The following PREX2 variants were observed in gnomAD, a reference collection of about 807,000 sequenced individuals.
PREX2 encodes the protein phosphatidylinositol 3,4,5-trisphosphate-dependent Rac exchanger 2 protein.
PREX2 carries 107 observed loss-of-function variants against 203.2 expected under a neutral mutation model. The ratio of observed to expected loss-of-function variants is 0.53; its 90% confidence interval spans 0.45 to 0.62. The LOEUF (loss-of-function observed/expected upper bound fraction) is 0.62, where lower values mean the gene tolerates loss of function less well. Ranked by LOEUF, PREX2 falls within the 20% of genes least tolerant of loss-of-function variation. The probability of loss-of-function intolerance (pLI) is 0.00; values close to 1 mark genes in which losing one functional copy is unlikely to be tolerated. For missense variants in PREX2, 1,777 were observed against 1,955.9 expected (o/e 0.91, Z 1.72); for synonymous variants, 672 against 663.6 (o/e 1.01, Z -0.19).
intron 37 of PREX2, among the ~76,000 whole-genome samples, chr8:68,204,671 CTTCT>C (rs1227216701): frequency 5.2e-5 from 7 of 134,928 alleles, no homozygotes; most frequent in South Asian, 2.5e-4. Context: ...TTTTTTCTTT[CTTCT>C]TTCTTTTTTT....
intron 35 of PREX2, among the ~76,000 whole-genome samples, chr8:68,191,209 T>C (rs372996676): frequency 6.6e-6 from 1 of 152,212 alleles, no homozygotes; most frequent in Non-Finnish European, 1.5e-5. Context: ...AACTTGGTGC[T>C]GGAAAGAATC....
chr8:68,104,656 A>G (rs1194859279), intron 23 of PREX2, among the ~76,000 whole-genome samples: 1 of 152,116 alleles, frequency 6.6e-6, no homozygotes, highest in Non-Finnish European at 1.5e-5. Context: ...ACCATCTATC[A>G]ACATTACATA....
chr8:68,163,532 T>C (rs1043971473), intron 35 of PREX2, among the ~76,000 whole-genome samples: 3 of 152,230 alleles, frequency 2.0e-5, no homozygotes, highest in African/African-American at 7.2e-5. Context: ...ATTTAGTGTC[T>C]GTTTTCCAAA....
At chr8:68,103,096 G>C (rs1213405995) in intron 23 of PREX2, 1 of 414,272 alleles carries the variant, frequency 2.4e-6, no homozygotes, top group Non-Finnish European at 4.8e-6. Context: ...ATATATTCAA[G>C]AGATAGTTCC....
intron 35 of PREX2, among the ~76,000 whole-genome samples, chr8:68,178,346 G>A (rs1036697668): frequency 1.3e-5 from 2 of 151,952 alleles, no homozygotes; most frequent in African/African-American, 4.8e-5. Flanking sequence ...TCTCATTGTG[G>A]TTTTGATTTG....
At chr8:68,034,222 A>C (rs960670788) in intron 6 of PREX2, among the ~76,000 whole-genome samples, 3 of 152,124 alleles carry the variant, frequency 2.0e-5, no homozygotes, top group Admixed American at 6.5e-5. Context: ...CGGTCATATA[A>C]GTTATGCAAC....
chr8:67,995,312 A>T (rs771695177), intron 1 of PREX2, among the ~76,000 whole-genome samples: 10 of 152,218 alleles, frequency 6.6e-5, no homozygotes, highest in Admixed American at 1.3e-4. Flanking sequence ...ACAACATATG[A>T]TATCAATCCC....
intron 30 of PREX2, among the ~76,000 whole-genome samples, chr8:68,124,509 G>T (rs1810848816): frequency 6.6e-6 from 1 of 151,992 alleles, no homozygotes; most frequent in Non-Finnish European, 1.5e-5. Context: ...GTAGGAGGAG[G>T]GAGAGGATCA....
intron 1 of PREX2, among the ~76,000 whole-genome samples, chr8:67,970,074 A>T (rs1002645856): frequency 6.6e-6 from 1 of 152,204 alleles, no homozygotes; most frequent in African/African-American, 2.4e-5. Flanking sequence ...TTCCGTAAGT[A>T]TGGGAAATAG....
At chr8:68,016,064 G>A (rs763250278) in intron 1 of PREX2, among the ~76,000 whole-genome samples, 3 of 152,130 alleles carry the variant, frequency 2.0e-5, no homozygotes, top group Non-Finnish European at 2.9e-5. Context: ...TGCTAGGAGC[G>A]AGATCTTGTG....
intron 1 of PREX2, among the ~76,000 whole-genome samples, chr8:68,009,750 A>G (rs1176667463): frequency 3.3e-5 from 5 of 152,226 alleles, no homozygotes; most frequent in Admixed American, 3.3e-4. Flanking sequence ...ATACATAAAT[A>G]CATTTTAATT....
chr8:68,056,113 G>T lies in PREX2; in HGVS notation c.1238+139G>T, dbSNP rs1234295687. On this transcript the variant is annotated intron_variant, in intron 10 of 39. Transcript: ENST00000288368. ...CTTCTTTACAGTTGCCATTTCCTGG[G>T]CGGTAGCAGGATGAAGGAATGGACA... The T allele has an allele frequency of 7.7e-6, 6 of 775,676 alleles. No homozygotes were observed. In the South Asian group the frequency reaches 1.1e-4, roughly 14 times the overall value. 48.0% of individuals were successfully genotyped at this position (775,676 alleles called of 1,614,324 possible).
At chr8:67,966,479 A>G (rs1457162425) in intron 1 of PREX2, among the ~76,000 whole-genome samples, 9 of 152,058 alleles carry the variant, frequency 5.9e-5, no homozygotes, top group Non-Finnish European at 1.0e-4. Flanking sequence ...TAAAAGAGAA[A>G]AAAGGAATTA....
intron 35 of PREX2, among the ~76,000 whole-genome samples, chr8:68,167,448 C>T (rs1351101057): frequency 6.6e-6 from 1 of 151,740 alleles, no homozygotes; most frequent in African/African-American, 2.4e-5. Flanking sequence ...ATTCTCCTGT[C>T]CCAGCCTCCC....
intron 38 of PREX2, chr8:68,220,148 A>G (rs1375632548): frequency 6.6e-6 from 1 of 152,020 alleles, no homozygotes; most frequent in Non-Finnish European, 1.5e-5. Context: ...GTTCTTATTT[A>G]TAATTTCAAT....
At chr8:68,041,838 C>T (rs1441172967) in intron 7 of PREX2, among the ~76,000 whole-genome samples, 1 of 151,990 alleles carries the variant, frequency 6.6e-6, no homozygotes, top group Non-Finnish European at 1.5e-5. Flanking sequence ...CATCAAGACC[C>T]AAATCTTTTG....
intron 37 of PREX2, among the ~76,000 whole-genome samples, chr8:68,210,966 A>G (rs1189568418): frequency 6.6e-6 from 1 of 152,178 alleles, no homozygotes; most frequent in Non-Finnish European, 1.5e-5. Flanking sequence ...GAAATACAAT[A>G]TTTTGCATGT....
At chr8:68,176,235 AAGG>A (rs1811976398) in intron 35 of PREX2, among the ~76,000 whole-genome samples, 1 of 152,194 alleles carries the variant, frequency 6.6e-6, no homozygotes, top group African/African-American at 2.4e-5. Flanking sequence ...TTCTAGTCTT[AAGG>A]AGAAGTATTT....
chr8:67,959,291 A>T (rs146851775), intron 1 of PREX2, among the ~76,000 whole-genome samples: 2 of 152,160 alleles, frequency 1.3e-5, no homozygotes, highest in Non-Finnish European at 2.9e-5. Flanking sequence ...TGGATCTGGC[A>T]GTTAGAATGT....
Sources: gnomAD v4.1 joint callset for allele counts (sites outside exome capture counted in the v4.1 genomes callset) on GRCh38, gnomAD v4.1.1 for gene constraint, MANE v1.5 for transcripts, NCBI Gene and HGNC (gene_info 2026-07-23, HGNC 2026-07-21) for gene names.